The following SRP54 variants were observed in gnomAD, a reference collection of about 807,000 sequenced individuals.
SRP54 encodes the protein signal recognition particle subunit SRP54.
In SRP54, 10 loss-of-function variants were observed where a neutral mutation model predicts 64.8. That is an observed-to-expected ratio of 0.15 (90% CI 0.10 to 0.26). SRP54 has a LOEUF of 0.26. Ranked by LOEUF, SRP54 falls within the 10% of genes least tolerant of loss-of-function variation. The pLI is 1.00. For missense variants in SRP54, 325 were observed against 613.7 expected (o/e 0.53, Z 4.97); for synonymous variants, 193 against 185.6 (o/e 1.04, Z -0.32).
intron 7 of SRP54, among the ~76,000 whole-genome samples, chr14:35,009,680 C>G (rs1343543153): frequency 2.0e-5 from 3 of 151,972 alleles, no homozygotes; most frequent in Admixed American, 2.0e-4. Context: ...AACATAGTGT[C>G]AAAGAAGAAA....
intron 14 of SRP54, 62 bp from the exon 15 acceptor site, chr14:35,028,026 C>A: frequency 1.9e-6 from 2 of 1,056,948 alleles, no homozygotes; most frequent in South Asian, 1.6e-5. Context: ...CTATTATACC[C>A]TGATTATACT....
intron 11 of SRP54, among the ~76,000 whole-genome samples, chr14:35,015,276 A>G (rs1360898264): frequency 6.6e-6 from 1 of 152,132 alleles, no homozygotes; most frequent in Admixed American, 6.6e-5. Flanking sequence ...GGGTTTTGCC[A>G]TGTTGGCCAG....
Position 35,014,790 on chromosome 14 carries a change from G to A in SRP54, c.933G>A (p.Lys311=), listed in dbSNP as rs1485640810. 1.9e-6 allele frequency: 3 copies of A among 1,613,984 alleles called. No homozygotes were observed. In the South Asian group the frequency reaches 3.3e-5, roughly 18 times the overall value. ...TGATAGATAAAGTCAACGAGTTGAA[G>A]TTGGATGACAATGAAGCACTTATAG... ...EGLIDKVNEL[K]LDDNEALIEK... The change falls in exon 11 of 16, where the codon AAG becomes AAA. Residue 311 remains lysine, a synonymous_variant. Coordinates refer to ENST00000216774, the MANE Select transcript of SRP54 (RefSeq NM_003136.4).
chr14:34,997,375 T>A (rs1457584423), intron 2 of SRP54, among the ~76,000 whole-genome samples: 1 of 152,180 alleles, frequency 6.6e-6, no homozygotes, highest in Non-Finnish European at 1.5e-5. Flanking sequence ...TCTTAGTGGT[T>A]TATTAATTGA....
chr14:35,006,554 G>A (rs944264112), intron 4 of SRP54, among the ~76,000 whole-genome samples: 1 of 151,782 alleles, frequency 6.6e-6, no homozygotes, highest in African/African-American at 2.4e-5. Flanking sequence ...TTTTTTAGAT[G>A]TATTGGGGTA....
chr14:35,026,334 C>A (rs2044623790), intron 14 of SRP54, among the ~76,000 whole-genome samples: 1 of 151,970 alleles, frequency 6.6e-6, no homozygotes, highest in African/African-American at 2.4e-5. Flanking sequence ...CTCAAGCGAT[C>A]CTCCAATCTG....
At chr14:35,026,515 T>C (rs2044628097) in intron 14 of SRP54, among the ~76,000 whole-genome samples, 1 of 152,132 alleles carries the variant, frequency 6.6e-6, no homozygotes, top group African/African-American at 2.4e-5. Context: ...ATTACAAATG[T>C]GACCCACCTC....
At chr14:35,024,568 T>C (rs565364172) in intron 14 of SRP54, among the ~76,000 whole-genome samples, 34 of 152,200 alleles carry the variant, frequency 2.2e-4, no homozygotes, top group African/African-American at 7.9e-4. Flanking sequence ...ATTTATATTT[T>C]ATAATGAACA....
At chr14:34,994,639 G>A (rs538493658) in intron 1 of SRP54, among the ~76,000 whole-genome samples, 1 of 152,154 alleles carries the variant, frequency 6.6e-6, no homozygotes, top group Admixed American at 6.5e-5. Flanking sequence ...CTCCATTTCT[G>A]CTTATGCTAT....
Position 35,007,459 on chromosome 14 carries a change from A to AT in SRP54, c.360+73dup, listed in dbSNP as rs1352909625. The stretch of plus-strand genomic sequence containing the variant: ...GTATAAATCAAGTTTTGTATTTAAT[A>AT]TAAAAATGTAAAGCCTGGCTTTATA... On this transcript the variant is annotated intron_variant, in intron 5 of 15. Transcript: ENST00000216774. 34 of 798,694 alleles carry AT rather than the reference A, an allele frequency of 4.3e-5. 1 individual carries two copies. Among genetic ancestry groups the AT allele is most frequent in the Non-Finnish European group, 5.8e-5 (32 of 556,116 alleles). 49.5% of individuals were successfully genotyped at this position (798,694 alleles called of 1,614,324 possible).
chr14:35,016,930 G>C (rs931459559), intron 11 of SRP54, among the ~76,000 whole-genome samples: 1 of 144,920 alleles, frequency 6.9e-6, no homozygotes, highest in African/African-American at 2.5e-5. Flanking sequence ...TCTCAGCTCA[G>C]TGCAACCTCC....
In SRP54 at chr14:35,018,734, T is replaced by C; in HGVS notation, c.1016T>C (p.Ile339Thr). ...GACATGTATGAGCAATTTCAAAATATCATGAAAATGGGCCCCTTCAGTCAG... is the reference window on the plus strand; with the variant it reads ...GACATGTATGAGCAATTTCAAAATACCATGAAAATGGGCCCCTTCAGTCAG... ...LRDMYEQFQNIMKMGPFSQIL... is the reference protein window; with the variant it reads ...LRDMYEQFQNTMKMGPFSQIL... The change falls in exon 12 of 16, where the codon ATC becomes ACC. Residue 339 changes from isoleucine (I) to threonine (T), a missense_variant. Ile to Thr is a moderately conservative substitution (Grantham distance 89). Transcript: ENST00000216774. The C allele has an allele frequency of 6.2e-7, 1 of 1,613,670 alleles. No homozygotes were observed. Among genetic ancestry groups the C allele is most frequent in the Non-Finnish European group, 8.5e-7 (1 of 1,179,822 alleles).
At chr14:35,013,051 C>A (rs1010692504) in intron 8 of SRP54, among the ~76,000 whole-genome samples, 2 of 144,990 alleles carry the variant, frequency 1.4e-5, no homozygotes, top group African/African-American at 2.5e-5. Context: ...TCAAGTGATT[C>A]TCCTGCCTGA....
chr14:35,009,589 G>C (rs901499464), intron 7 of SRP54, among the ~76,000 whole-genome samples: 1 of 152,054 alleles, frequency 6.6e-6, no homozygotes, highest in African/African-American at 2.4e-5. Context: ...AAACTTTTAT[G>C]GAAGAGATTT....
At position 35,026,441 on chromosome 14, in the gene SRP54, C is replaced by T. The variant is rs141047482; in HGVS notation, c.1328-1647C>T. Among the ~76,000 whole-genome samples, 633 of 151,896 alleles carry T rather than the reference C, an allele frequency of 4.2e-3. 7 individuals carry two copies. The highest frequency in any genetic ancestry group is 0.014 in the African/African-American group (597 of 41,426). On this transcript the variant is annotated intron_variant, in intron 14 of 15. Transcript: ENST00000216774. ...TAGAGACAGGGTTTCCCCATGTTGC[C>T]CAGGCTGATCTTGAACTCCTGGGCT...
chr14:35,029,146 T>A lies in SRP54; in HGVS notation c.1509T>A (p.Asn503Lys), dbSNP rs1190490251. Residue 503 changes from asparagine (N) to lysine (K), a missense_variant, in exon 16 of 16, where the codon AAT becomes AAA. Physicochemically the swap from Asn to Lys is moderately conservative, Grantham distance 94. Transcript: ENST00000216774. ...GNMKGMMGFN[N>K]M Reference sequence around the variant, plus strand: ...TGAAAGGCATGATGGGATTCAATAATATGTAAAGAAAATGCCTTAATATAA... The same window carrying A: ...TGAAAGGCATGATGGGATTCAATAAAATGTAAAGAAAATGCCTTAATATAA... 6.2e-7 allele frequency: 1 copy of A among 1,613,352 alleles called. No individual in the cohort carries two copies. The highest frequency in any genetic ancestry group is 8.5e-7 in the Non-Finnish European group (1 of 1,179,682).
chr14:35,027,871 T>G, intron 14 of SRP54: 1 of 331,890 alleles, frequency 3.0e-6, no homozygotes, highest in Non-Finnish European at 5.4e-6. Flanking sequence ...ATATGTCCTT[T>G]TATATAGAAT....
At chr14:35,003,572 G>T (rs1180004204) in intron 4 of SRP54, among the ~76,000 whole-genome samples, 11 of 134,588 alleles carry the variant, frequency 8.2e-5, no homozygotes, top group East Asian at 4.2e-4. Context: ...GGTTTTTTTG[G>T]TTTTTTTTTT....
At chr14:35,006,475 C>T (rs1451715161) in intron 4 of SRP54, among the ~76,000 whole-genome samples, 3 of 152,030 alleles carry the variant, frequency 2.0e-5, no homozygotes, top group Non-Finnish European at 4.4e-5. Flanking sequence ...GGTTTTCAGA[C>T]TTGGTATGGG....
Sources: allele counts gnomAD v4.1 joint callset (sites outside exome capture counted in the v4.1 genomes callset), GRCh38; gene constraint gnomAD v4.1.1; transcripts MANE v1.5; gene names NCBI Gene and HGNC (gene_info 2026-07-23, HGNC 2026-07-21).